EFEMP1: variants seen among roughly 807,000 people sequenced by gnomAD.
EFEMP1 encodes EGF-like fibulin extracellular matrix protein 1.
In EFEMP1, 18 loss-of-function variants were observed where a neutral mutation model predicts 65.7. The observed-to-expected ratio is 0.27, with a 90% confidence interval of 0.19 to 0.41. The LOEUF is 0.41. Ranked by LOEUF, EFEMP1 falls within the 10% of genes least tolerant of loss-of-function variation. The pLI, the probability that EFEMP1 is intolerant of heterozygous loss-of-function variation, is 1.00. For missense variants in EFEMP1, 469 were observed against 624.8 expected (o/e 0.75, Z 2.66); for synonymous variants, 237 against 219.7 (o/e 1.08, Z -0.70).
rs1175587136 is a variant in EFEMP1 at position 55,874,931 on chromosome 2, A to C, written c.1000+15T>G. The C allele has an allele frequency of 6.3e-7, 1 of 1,596,564 alleles. No individual in the cohort carries two copies. Among genetic ancestry groups the C allele is most frequent in the East Asian group, 2.3e-5 (1 of 44,012 alleles). On this transcript the variant is annotated intron_variant, in intron 9 of 11. Transcript: ENST00000355426. ...AAACTAAATACCTAACATATGAAAA[A>C]AAAAATAAACTTACCTTGACATGTT...
chr2:55,916,403 C>T (rs982265341), intron 5 of EFEMP1, among the ~76,000 whole-genome samples: 3 of 152,194 alleles, frequency 2.0e-5, no homozygotes, highest in African/African-American at 7.2e-5. Flanking sequence ...AGCCACCGTG[C>T]CCAGCCCCTT....
At chr2:55,868,154 A>G (rs1668659274) in intron 11 of EFEMP1, among the ~76,000 whole-genome samples, 1 of 152,176 alleles carries the variant, frequency 6.6e-6, no homozygotes, top group Non-Finnish European at 1.5e-5. Context: ...GGCTTTATTC[A>G]TTGTTGTGTC....
At position 55,922,927 on chromosome 2, in the gene EFEMP1, A is replaced by T. The variant is rs1248841486; in HGVS notation, c.-36T>A. 6.7e-6 allele frequency: 7 copies of T among 1,037,270 alleles called. No homozygotes were observed. Among genetic ancestry groups the T allele is most frequent in the Non-Finnish European group, 4.6e-6 (4 of 860,834 alleles). 64.3% of individuals were successfully genotyped at this position (1,037,270 alleles called of 1,614,324 possible). ...GAGCTAGCAGAGTTCCTTGCACAGC[A>T]CAGCAAAAATACCTGTGAGCCAATA... is the stretch of plus-strand genomic sequence containing the variant. On this transcript the variant is annotated 5_prime_UTR_variant, in exon 2 of 12. Coordinates refer to ENST00000355426, the MANE Select transcript of EFEMP1 (RefSeq NM_001039348.3). The surrounding 1 kb of genome is among the most constrained non-coding windows in gnomAD (Gnocchi z 5.5).
rs1261013517 is a variant in EFEMP1 at position 55,921,695 on chromosome 2, C to A, written c.81+665G>T. ...ATATTTTATTAAACATTGGTTACACCTATGCAACTAACTAATCAAATATTA... is the reference window on the plus strand; with the variant it reads ...ATATTTTATTAAACATTGGTTACACATATGCAACTAACTAATCAAATATTA... On this transcript the variant is annotated intron_variant, in intron 3 of 11. Transcript: ENST00000355426. The surrounding 1 kb of genome is among the most constrained non-coding windows in gnomAD (Gnocchi z 4.1). Among the ~76,000 whole-genome samples the A allele has an allele frequency of 6.6e-6, 1 of 152,166 alleles. No homozygotes were observed. Among genetic ancestry groups the A allele is most frequent in the Non-Finnish European group, 1.5e-5 (1 of 68,036 alleles).
chr2:55,897,072 G>T (rs1412751502), intron 5 of EFEMP1, among the ~76,000 whole-genome samples: 1 of 152,128 alleles, frequency 6.6e-6, no homozygotes, highest in East Asian at 1.9e-4. Flanking sequence ...CAAGACGGAG[G>T]CCTGGTGTCA....
chr2:55,868,389 T>C (rs1379022991), intron 11 of EFEMP1, among the ~76,000 whole-genome samples: 1 of 152,148 alleles, frequency 6.6e-6, no homozygotes, highest in Non-Finnish European at 1.5e-5. Flanking sequence ...CAGTGAATAC[T>C]AGACTAGGTA....
rs1242922650 is a variant in EFEMP1, at chr2:55,917,388, G to A, written c.517+277C>T. On this transcript the variant is annotated intron_variant, in intron 5 of 11. Transcript: ENST00000355426. This position sits in a 1 kb window ranked among gnomAD's most constrained non-coding sequence, Gnocchi z 6.3. The stretch of plus-strand genomic sequence containing the variant: ...TGGGCTGGGGTGTAGCTTCGCCATC[G>A]AGAAGTTTTAAAGGTTCCCAAGTGA... Among the ~76,000 whole-genome samples, 1 of 152,126 alleles carries A rather than the reference G, an allele frequency of 6.6e-6. No individual in the cohort carries two copies. The highest frequency in any genetic ancestry group is 2.4e-5 in the African/African-American group (1 of 41,414).
At chr2:55,898,498 TG>T (rs1157379216) in intron 5 of EFEMP1, among the ~76,000 whole-genome samples, 1 of 152,166 alleles carries the variant, frequency 6.6e-6, no homozygotes, top group Non-Finnish European at 1.5e-5. Flanking sequence ...TGAAAGTTAA[TG>T]CAATTCTTTC....
intron 5 of EFEMP1, among the ~76,000 whole-genome samples, chr2:55,913,877 G>T (rs559042422): frequency 3.3e-5 from 5 of 152,208 alleles, no homozygotes; most frequent in African/African-American, 1.2e-4. Context: ...GGGTGTGGTG[G>T]TGCACGCCTG....
chr2:55,895,448 A>C (rs1177636491), intron 5 of EFEMP1, among the ~76,000 whole-genome samples: 1 of 152,142 alleles, frequency 6.6e-6, no homozygotes, highest in African/African-American at 2.4e-5. Flanking sequence ...CTATCTTACC[A>C]GTAAAGACTC....
chr2:55,888,967 C>T (rs992661496), intron 5 of EFEMP1, among the ~76,000 whole-genome samples: 3 of 152,156 alleles, frequency 2.0e-5, no homozygotes, highest in African/African-American at 4.8e-5. Context: ...CCCACTTCCC[C>T]GGCTCCGGCT....
chr2:55,881,714 C>T lies in EFEMP1; in HGVS notation c.538G>A (p.Gly180Arg), dbSNP rs1188261472. The T allele has an allele frequency of 6.2e-7, 1 of 1,613,916 alleles. No individual in the cohort carries two copies. The highest frequency in any genetic ancestry group is 2.2e-5 in the East Asian group (1 of 44,884). Reference sequence around the variant, plus strand: ...TGGTCTGCTCTACAGTTGTGCGTCCCTGCAGTGCACTCGTCTATGTCTGTC... The same window carrying T: ...TGGTCTGCTCTACAGTTGTGCGTCCTTGCAGTGCACTCGTCTATGTCTGTC... Reference protein sequence around the residue: ...VCQDIDECTAGTHNCRADQVC... With the variant: ...VCQDIDECTARTHNCRADQVC... The change falls in exon 6 of 12, where the codon GGG becomes AGG. Residue 180 changes from glycine (G) to arginine (R), a missense_variant. This residue lies in a region of EFEMP1 where 399 missense variants were observed against 528.2 expected (regional missense o/e 0.76). Coordinates refer to ENST00000355426, the MANE Select transcript of EFEMP1 (RefSeq NM_001039348.3).
In EFEMP1 at chr2:55,871,240, G is replaced by A; in HGVS notation, c.1001-117C>T. On this transcript the variant is annotated intron_variant, in intron 9 of 11. Transcript: ENST00000355426. This position sits in a 1 kb window ranked among gnomAD's most constrained non-coding sequence, Gnocchi z 4.2. Reference sequence around the variant, plus strand: ...GGAGGTGTGAGAGCATCTGGACTGTGTTCAACCTGCTTTTAGACACAAGAC... The same window carrying A: ...GGAGGTGTGAGAGCATCTGGACTGTATTCAACCTGCTTTTAGACACAAGAC... The A allele has an allele frequency of 7.0e-7, 1 of 1,418,986 alleles. No individual in the cohort carries two copies. The allele number at this position is 1,418,986 out of a possible 1,614,324, so 87.9% of individuals were successfully genotyped here.
intron 5 of EFEMP1, among the ~76,000 whole-genome samples, chr2:55,913,203 G>A (rs1283027104): frequency 6.6e-6 from 1 of 152,156 alleles, no homozygotes; most frequent in African/African-American, 2.4e-5. Context: ...TATGCTAGGG[G>A]CTCAACCATC....
At chr2:55,892,517 G>A (rs1349755179) in intron 5 of EFEMP1, among the ~76,000 whole-genome samples, 2 of 152,056 alleles carry the variant, frequency 1.3e-5, no homozygotes, top group African/African-American at 4.8e-5. Flanking sequence ...GTCTGAAAAT[G>A]GACTCATCTT....
At chr2:55,906,650 CA>C (rs1670290541) in intron 5 of EFEMP1, among the ~76,000 whole-genome samples, 1 of 152,176 alleles carries the variant, frequency 6.6e-6, no homozygotes, top group Non-Finnish European at 1.5e-5. Context: ...GCTTTTACTG[CA>C]AAGTTTAATT....
chr2:55,888,946 C>T (rs958662647), intron 5 of EFEMP1, among the ~76,000 whole-genome samples: 1 of 152,182 alleles, frequency 6.6e-6, no homozygotes, highest in African/African-American at 2.4e-5. Context: ...GATCTCTCCT[C>T]TCCTCTATCT....
At chr2:55,868,273 A>G (rs992920437) in intron 11 of EFEMP1, among the ~76,000 whole-genome samples, 5 of 152,204 alleles carry the variant, frequency 3.3e-5, no homozygotes, top group African/African-American at 1.2e-4. Flanking sequence ...TTATTTTAGC[A>G]TCTGCTATGT....
chr2:55,916,408 C>G (rs1310569197), intron 5 of EFEMP1, among the ~76,000 whole-genome samples: 1 of 152,216 alleles, frequency 6.6e-6, no homozygotes, highest in Non-Finnish European at 1.5e-5. Flanking sequence ...CCGTGCCCAG[C>G]CCCTTGCTTC....
Sources: allele counts gnomAD v4.1 joint callset (sites outside exome capture counted in the v4.1 genomes callset), GRCh38; gene constraint gnomAD v4.1.1; regional missense constraint gnomAD v4.1.1; non-coding constraint Gnocchi (gnomAD v3.1); transcripts MANE v1.5; gene names NCBI Gene and HGNC (gene_info 2026-07-23, HGNC 2026-07-21).